Variants in RMND5A observed in about 807,000 individuals in gnomAD.
RMND5A encodes the protein E3 ubiquitin-protein transferase RMND5A.
RMND5A carries 17 observed loss-of-function variants against 49.7 expected under a neutral mutation model. The observed-to-expected ratio is 0.34, with a 90% CI of 0.23 to 0.51. RMND5A has a LOEUF of 0.51. Among genes scored for constraint, RMND5A ranks in the 20% least tolerant of loss-of-function variants. The pLI is 0.96. For synonymous variants in RMND5A, 156 were observed against 167.7 expected (o/e 0.93, Z 0.54); for missense variants, 255 against 471.3 (o/e 0.54, Z 4.25).
At chr2:86,753,880 A>T (rs994148493) in intron 4 of RMND5A, among the ~76,000 whole-genome samples, 5 of 152,176 alleles carry the variant, frequency 3.3e-5, no homozygotes, top group African/African-American at 1.2e-4. Flanking sequence ...TGCAAGTTTG[A>T]TATTTAAGCT....
rs1483559106 is a variant in RMND5A, at chr2:86,720,787, G to C, written c.120G>C (p.Lys40Asn). ...EELIDYTGGL[K>N]HEILQSHGQD... ...TCATCGACTACACCGGCGGCCTCAA[G>C]CACGAGATCCTGCAGAGCCACGGTA... The change falls in exon 1 of 9, where the codon AAG becomes AAC. Residue 40 changes from lysine (K) to asparagine (N), a missense_variant. Lys to Asn is a moderately conservative substitution (Grantham distance 94, BLOSUM62 0). Transcript: ENST00000283632. The C allele has an allele frequency of 1.3e-6, 2 of 1,594,908 alleles. No homozygotes were observed. The highest frequency in any genetic ancestry group is 2.3e-5 in the East Asian group (1 of 43,988).
At chr2:86,770,167 T>C in intron 7 of RMND5A, 42 bp downstream of exon 7, 1 of 1,264,796 alleles carries the variant, frequency 7.9e-7, no homozygotes, top group Admixed American at 1.7e-5. Context: ...TTACTGCCAT[T>C]AGAAGAATAT....
At chr2:86,757,726 A>G (rs999117152) in intron 4 of RMND5A, among the ~76,000 whole-genome samples, 5 of 152,246 alleles carry the variant, frequency 3.3e-5, no homozygotes, top group Admixed American at 2.0e-4. Context: ...TGGATTTGCC[A>G]CAGTCTAGTA....
In RMND5A at chr2:86,720,452, G is replaced by A; in HGVS notation, c.-216G>A. 4.8e-6 allele frequency: 1 copy of A among 207,730 alleles called. No individual in the cohort carries two copies. The highest frequency in any genetic ancestry group is 1.9e-4 in the South Asian group (1 of 5,384). The allele number at this position is 207,730 out of a possible 1,614,324, so 12.9% of individuals were successfully genotyped here. A position where few individuals can be genotyped will look rare whatever the true frequency, so the allele number is the denominator to read the frequency against. ...GTGCAGCGAGCGAACGGGAGCAGCG[G>A]CGACTCGCCGGGGGGCTAGGGCGCC... On this transcript the variant is annotated 5_prime_UTR_variant, in exon 1 of 9. Transcript: ENST00000283632.
intron 2 of RMND5A, among the ~76,000 whole-genome samples, chr2:86,747,790 T>G (rs1681564588): frequency 6.6e-6 from 1 of 152,214 alleles, no homozygotes; most frequent in Non-Finnish European, 1.5e-5. Context: ...GACTGATTTG[T>G]GTATTCATGA....
intron 4 of RMND5A, among the ~76,000 whole-genome samples, chr2:86,760,231 A>C (rs1038738335): frequency 3.0e-4 from 45 of 152,074 alleles, no homozygotes; most frequent in East Asian, 2.1e-3. Flanking sequence ...TTCAGTAGAG[A>C]TGGGGTTTCT....
At chr2:86,770,500 G>A (rs1283686971) in intron 7 of RMND5A, among the ~76,000 whole-genome samples, 1 of 152,124 alleles carries the variant, frequency 6.6e-6, no homozygotes, top group Non-Finnish European at 1.5e-5. Flanking sequence ...TATTGCTGTC[G>A]ATAAGATCAC....
intron 5 of RMND5A, 136 bp downstream of exon 5, chr2:86,765,329 C>G (rs1240878877): frequency 1.3e-6 from 1 of 776,702 alleles, no homozygotes; most frequent in Non-Finnish European, 2.0e-6. Context: ...AGGAAAAGTT[C>G]TGACTGGCTC....
chr2:86,742,609 A>G (rs1024401128), intron 2 of RMND5A, among the ~76,000 whole-genome samples: 6 of 151,584 alleles, frequency 4.0e-5, no homozygotes, highest in Non-Finnish European at 7.4e-5. Flanking sequence ...GATGGTCTTC[A>G]TTTGTGGGTG....
At chr2:86,747,845 T>C (rs1033842523) in intron 2 of RMND5A, among the ~76,000 whole-genome samples, 1 of 152,176 alleles carries the variant, frequency 6.6e-6, no homozygotes, top group African/African-American at 2.4e-5. Context: ...TTCATAATGA[T>C]GTTGTATCAA....
rs1459147117 is a variant in RMND5A at position 86,777,923 on chromosome 2, A to G, written c.*4512A>G. The G allele has an allele frequency of 2.0e-5, 3 of 152,244 alleles. No individual in the cohort carries two copies. Among genetic ancestry groups the G allele is most frequent in the Admixed American group, 6.5e-5 (1 of 15,292 alleles). The allele number at this position is 152,244 out of a possible 1,614,324, so 9.4% of individuals were successfully genotyped here. A position where few individuals can be genotyped will look rare whatever the true frequency, so the allele number is the denominator to read the frequency against. On this transcript the variant is annotated 3_prime_UTR_variant, in exon 9 of 9. Coordinates refer to ENST00000283632, the MANE Select transcript of RMND5A (RefSeq NM_022780.4). The stretch of plus-strand genomic sequence containing the variant: ...TTTAATTTATAAATTTCGGACTGAT[A>G]TAATAGAGTTTTGGAAAACTATAAG...
intron 2 of RMND5A, among the ~76,000 whole-genome samples, chr2:86,745,427 T>C (rs1281879173): frequency 6.6e-6 from 1 of 152,188 alleles, no homozygotes; most frequent in Non-Finnish European, 1.5e-5. Flanking sequence ...GTGGGTAAGA[T>C]TTAGAGCAGC....
chr2:86,757,287 C>T (rs1258245465), intron 4 of RMND5A, among the ~76,000 whole-genome samples: 3 of 150,792 alleles, frequency 2.0e-5, no homozygotes, highest in African/African-American at 7.3e-5. Context: ...CACCTGATTA[C>T]ATAGATCTAA....
chr2:86,725,872 A>G lies in RMND5A; in HGVS notation c.142+5063A>G. ...TCAACATATACTGTATTAGCACCTAAAACTCCTTTGGTGTGTGTGTATGTT... is the reference window on the plus strand; with the variant it reads ...TCAACATATACTGTATTAGCACCTAGAACTCCTTTGGTGTGTGTGTATGTT... On this transcript the variant is annotated intron_variant, in intron 1 of 8. Coordinates refer to ENST00000283632, the MANE Select transcript of RMND5A (RefSeq NM_022780.4). 2.6e-5 allele frequency among the ~76,000 whole-genome samples: 2 copies of G among 77,474 alleles called. 1 individual carries two copies. Among genetic ancestry groups the G allele is most frequent in the Non-Finnish European group, 5.3e-5 (2 of 37,418 alleles). The allele number at this position is 77,474 out of a possible 152,430, so 50.8% of individuals were successfully genotyped here.
At chr2:86,760,106 G>T (rs751412386) in intron 4 of RMND5A, among the ~76,000 whole-genome samples, 1 of 151,666 alleles carries the variant, frequency 6.6e-6, no homozygotes, top group East Asian at 1.9e-4. Flanking sequence ...GTGCAATGGC[G>T]CAATCTTGGC....
intron 4 of RMND5A, among the ~76,000 whole-genome samples, chr2:86,757,155 CAA>C (rs1181044045): frequency 8.1e-6 from 1 of 123,286 alleles, no homozygotes; most frequent in Non-Finnish European, 1.7e-5. Flanking sequence ...GCCTGGGCAA[CAA>C]GAGTGAAACT....
At chr2:86,747,961 C>CT (rs1006066337) in intron 2 of RMND5A, among the ~76,000 whole-genome samples, 3 of 152,132 alleles carry the variant, frequency 2.0e-5, no homozygotes, top group African/African-American at 4.8e-5. Flanking sequence ...TGGATGTGTG[C>CT]TTTTTTGCTT....
chr2:86,760,818 A>G (rs1672469578), intron 4 of RMND5A, among the ~76,000 whole-genome samples: 1 of 152,226 alleles, frequency 6.6e-6, no homozygotes, highest in Non-Finnish European at 1.5e-5. Flanking sequence ...CAGGAAGCTA[A>G]TGGTACAAAG....
chr2:86,774,386 T>C lies in RMND5A; in HGVS notation c.*975T>C, dbSNP rs1416491804. 1 of 152,650 alleles carries C rather than the reference T, an allele frequency of 6.6e-6. No homozygotes were observed. The highest frequency in any genetic ancestry group is 1.5e-5 in the Non-Finnish European group (1 of 68,030). 9.5% of individuals were successfully genotyped at this position (152,650 alleles called of 1,614,324 possible). A position where few individuals can be genotyped will look rare whatever the true frequency, so the allele number is the denominator to read the frequency against. On this transcript the variant is annotated 3_prime_UTR_variant, in exon 9 of 9. Coordinates refer to ENST00000283632, the MANE Select transcript of RMND5A (RefSeq NM_022780.4). The stretch of plus-strand genomic sequence containing the variant: ...TACCAGACCCATCACTTTAAATCCT[T>C]AAAGTTAGAAGCTAGCAAATTTTCT...
Sources: gnomAD v4.1 joint callset for allele counts (sites outside exome capture counted in the v4.1 genomes callset) on GRCh38, gnomAD v4.1.1 for gene constraint, MANE v1.5 for transcripts, NCBI Gene and HGNC (gene_info 2026-07-23, HGNC 2026-07-21) for gene names.